Variants in GYPC observed in about 807,000 individuals in gnomAD.
GYPC encodes glycophorin C (Gerbich blood group), also known as glycophorin-C.
GYPC carries 14 observed loss-of-function variants against 12.6 expected under a neutral mutation model. The ratio of observed to expected loss-of-function variants is 1.11; its 90% CI spans 0.74 to 1.74. GYPC has a LOEUF of 1.74. Ranked by LOEUF, GYPC falls within the 40% of genes most tolerant of loss-of-function variation. The probability of loss-of-function intolerance (pLI) is 0.00; values close to 1 mark genes in which losing one functional copy is unlikely to be tolerated. For missense variants in GYPC, 225 were observed against 172.1 expected (o/e 1.31, Z -1.72); for synonymous variants, 78 against 62.1 (o/e 1.26, Z -1.20).
intron 1 of GYPC, among the ~76,000 whole-genome samples, chr2:126,677,959 C>T (rs1293129353): frequency 1.3e-5 from 2 of 152,354 alleles, no homozygotes; most frequent in African/African-American, 2.4e-5. Context: ...CAGCGGCTCA[C>T]GCCTGTAATC....
In GYPC at chr2:126,659,531, A is replaced by G. The variant is rs1682472683; in HGVS notation, c.49+3219A>G. Among the ~76,000 whole-genome samples, 4 of 152,208 alleles carry G rather than the reference A, an allele frequency of 2.6e-5. No homozygotes were observed. In the South Asian group the frequency reaches 8.3e-4, roughly 32 times the overall value. On this transcript the variant is annotated intron_variant, in intron 1 of 3. Coordinates refer to ENST00000259254, the MANE Select transcript of GYPC (RefSeq NM_002101.5). ...CTTCCCCAGAGTCACCCGAAGAGCA[A>G]CAGCAGAAGGGCCTGGACCTGCTCC...
At chr2:126,689,452 T>C (rs1401808311) in intron 1 of GYPC, among the ~76,000 whole-genome samples, 1 of 151,976 alleles carries the variant, frequency 6.6e-6, no homozygotes, top group African/African-American at 2.4e-5. Flanking sequence ...GGTTTGACCC[T>C]GCAAAAGCTC....
intron 1 of GYPC, among the ~76,000 whole-genome samples, chr2:126,689,076 G>A (rs1683376140): frequency 6.6e-6 from 1 of 152,134 alleles, no homozygotes; most frequent in Admixed American, 6.5e-5. Flanking sequence ...TACCCTCTTT[G>A]GCCAGGCCAT....
At chr2:126,668,063 C>T (rs1372488308) in intron 1 of GYPC, among the ~76,000 whole-genome samples, 4 of 152,270 alleles carry the variant, frequency 2.6e-5, no homozygotes, top group Non-Finnish European at 5.9e-5. Flanking sequence ...CAGTGCCAGG[C>T]TGCTTTGAGA....
chr2:126,657,534 TA>T (rs770341271), intron 1 of GYPC: 15 of 152,272 alleles, frequency 9.9e-5, no homozygotes, highest in Non-Finnish European at 2.2e-4. Flanking sequence ...GGCATGTTTA[TA>T]TAATTGCACA....
chr2:126,681,691 G>A (rs1683152558), intron 1 of GYPC, among the ~76,000 whole-genome samples: 1 of 151,174 alleles, frequency 6.6e-6, no homozygotes, highest in Non-Finnish European at 1.5e-5. Flanking sequence ...GTGCCACCGG[G>A]TTTTACATGT....
At chr2:126,667,145 C>CAGACAGAGGATTTAG (rs535441809) in intron 1 of GYPC, among the ~76,000 whole-genome samples, 2 of 152,188 alleles carry the variant, frequency 1.3e-5, no homozygotes, top group African/African-American at 4.8e-5. Flanking sequence ...CCCCACCTAG[C>CAGACAGAGGATTTAG]AGACAGAGGA....
chr2:126,682,055 T>A (rs951351402), intron 1 of GYPC, among the ~76,000 whole-genome samples: 2 of 152,152 alleles, frequency 1.3e-5, no homozygotes, highest in African/African-American at 4.8e-5. Context: ...GAAATAGGTG[T>A]GTCCAGGGTG....
At chr2:126,695,099 A>G (rs527491492) in intron 3 of GYPC, among the ~76,000 whole-genome samples, 3 of 152,172 alleles carry the variant, frequency 2.0e-5, no homozygotes, top group Non-Finnish European at 4.4e-5. Context: ...AGGGAATGGG[A>G]GCAGGGTAGG....
chr2:126,657,178 G>A (rs1645987176), intron 1 of GYPC, among the ~76,000 whole-genome samples: 2 of 152,210 alleles, frequency 1.3e-5, no homozygotes, highest in Non-Finnish European at 2.9e-5. Flanking sequence ...TTGAAATCCA[G>A]GGGGTTGTGA....
At chr2:126,662,366 G>C (rs1461076393) in intron 1 of GYPC, among the ~76,000 whole-genome samples, 1 of 152,186 alleles carries the variant, frequency 6.6e-6, no homozygotes, top group African/African-American at 2.4e-5. Context: ...CCTTAGCAAT[G>C]CTTGAAGCTT....
intron 3 of GYPC, 128 bp downstream of exon 3, chr2:126,694,075 G>C (rs1021974353): frequency 2.8e-6 from 2 of 722,286 alleles, no homozygotes; most frequent in African/African-American, 1.7e-5. Context: ...CCTCAGAGGT[G>C]GTTTTGAATG....
At chr2:126,694,486 T>C (rs1005596086) in intron 3 of GYPC, among the ~76,000 whole-genome samples, 3 of 152,054 alleles carry the variant, frequency 2.0e-5, no homozygotes, top group Non-Finnish European at 4.4e-5. Context: ...TTCTTTGAGA[T>C]CCACACTTCT....
intron 1 of GYPC, among the ~76,000 whole-genome samples, chr2:126,686,928 G>T (rs773289446): frequency 6.6e-6 from 1 of 152,076 alleles, no homozygotes; most frequent in Non-Finnish European, 1.5e-5. Flanking sequence ...CTCAGCTCCA[G>T]CAAGGGGCAG....
At position 126,696,207 on chromosome 2, in the gene GYPC, G is replaced by A. The variant is rs1020869560; in HGVS notation, c.*65G>A. On this transcript the variant is annotated 3_prime_UTR_variant, in exon 4 of 4. Coordinates refer to ENST00000259254, the MANE Select transcript of GYPC (RefSeq NM_002101.5). ...TCCATCAGGAAAAATACACCCCATC[G>A]CCCAGCACCCCTGCTGATACCACCA... 91 of 1,161,646 alleles carry A rather than the reference G, an allele frequency of 7.8e-5. No homozygotes were observed. The highest frequency in any genetic ancestry group is 7.7e-4 in the South Asian group (61 of 78,844). The allele number at this position is 1,161,646 out of a possible 1,614,324, so 72.0% of individuals were successfully genotyped here. A position where few individuals can be genotyped will look rare whatever the true frequency, so the allele number is the denominator to read the frequency against.
intron 1 of GYPC, among the ~76,000 whole-genome samples, chr2:126,661,454 TC>T (rs1682533320): frequency 6.8e-6 from 1 of 146,566 alleles, no homozygotes; most frequent in Non-Finnish European, 1.5e-5. Context: ...TCTCTCTCTC[TC>T]TTTTTTTTTT....
At chr2:126,694,868 C>T (rs1339884777) in intron 3 of GYPC, among the ~76,000 whole-genome samples, 1 of 151,884 alleles carries the variant, frequency 6.6e-6, no homozygotes, top group Non-Finnish European at 1.5e-5. Context: ...CCCCATGAGA[C>T]TGCTGCCCCC....
At chr2:126,658,298 A>C (rs1005059819) in intron 1 of GYPC, 5 of 152,274 alleles carry the variant, frequency 3.3e-5, no homozygotes, top group African/African-American at 1.2e-4. Flanking sequence ...GGACCCTTCC[A>C]AGGGTGCCCG....
intron 1 of GYPC, chr2:126,686,658 AG>A (rs28387191): frequency 1.0e-6 from 1 of 985,206 alleles, no homozygotes; most frequent in South Asian, 4.7e-5. Context: ...AGGGTGTTGC[AG>A]GGGGCCGGGG....
Sources: allele counts gnomAD v4.1 joint callset (sites outside exome capture counted in the v4.1 genomes callset), GRCh38; gene constraint gnomAD v4.1.1; transcripts MANE v1.5; gene names NCBI Gene and HGNC (gene_info 2026-07-23, HGNC 2026-07-21).